DISP1: variants seen among roughly 807,000 people sequenced by gnomAD.
The protein encoded by DISP1 is dispatched RND transporter family member 1.
A neutral mutation model predicts 37.3 loss-of-function variants in DISP1; 30 were observed. That is an observed-to-expected ratio of 0.80 (90% CI 0.60 to 1.09). The LOEUF is 1.09. Ranked by LOEUF, DISP1 falls within the 50% of genes least tolerant of loss-of-function variation. DISP1 has a pLI of 0.00. For missense variants in DISP1, 1,598 were observed against 1,879.5 expected, an observed-to-expected ratio of 0.85 and a Z score of 2.77; for synonymous variants, 634 against 690.2, an observed-to-expected ratio of 0.92 and a Z score of 1.28.
At chr1:222,921,210 G>A (rs180825800) in intron 1 of DISP1, among the ~76,000 whole-genome samples, 163 of 152,316 alleles carry the variant, frequency 1.1e-3, no homozygotes, top group African/African-American at 3.7e-3. Context: ...TCGGGAGGCT[G>A]AGGCACGAGA....
intron 2 of DISP1, among the ~76,000 whole-genome samples, chr1:222,931,315 T>G (rs945882000): frequency 6.6e-6 from 1 of 151,724 alleles, no homozygotes; most frequent in Non-Finnish European, 1.5e-5. Flanking sequence ...GGCTGCTAAG[T>G]TTTGAGGTTT....
chr1:222,834,047 A>G (rs777623374), intron 1 of DISP1, among the ~76,000 whole-genome samples: 1 of 152,198 alleles, frequency 6.6e-6, no homozygotes, highest in Non-Finnish European at 1.5e-5. Flanking sequence ...AGCAACTACA[A>G]CAGTAAGGCA....
intron 3 of DISP1, among the ~76,000 whole-genome samples, chr1:222,961,925 G>C (rs1676088657): frequency 6.6e-6 from 1 of 152,022 alleles, no homozygotes; most frequent in Admixed American, 6.6e-5. Flanking sequence ...AGAATCACTT[G>C]AACCCAGGAG....
At chr1:222,929,425 T>C (rs1249402725) in intron 2 of DISP1, among the ~76,000 whole-genome samples, 1 of 152,106 alleles carries the variant, frequency 6.6e-6, no homozygotes, top group African/African-American at 2.4e-5. Flanking sequence ...TTCATGCACA[T>C]CACTGACCAT....
At chr1:222,839,414 G>T (rs992087004) in intron 1 of DISP1, among the ~76,000 whole-genome samples, 2 of 152,144 alleles carry the variant, frequency 1.3e-5, no homozygotes, top group Non-Finnish European at 2.9e-5. Flanking sequence ...AAAAAGATTA[G>T]GCACCACTTA....
chr1:222,911,893 A>T (rs1040056914), intron 1 of DISP1, among the ~76,000 whole-genome samples: 1 of 152,230 alleles, frequency 6.6e-6, no homozygotes, highest in Non-Finnish European at 1.5e-5. Context: ...AGGGAGGCAC[A>T]TCTCACACAT....
At chr1:222,972,809 T>C (rs556250365) in intron 3 of DISP1, among the ~76,000 whole-genome samples, 172 of 152,278 alleles carry the variant, frequency 1.1e-3, no homozygotes, top group African/African-American at 3.8e-3. Context: ...TGTTCTCTAA[T>C]TTTTTCTTGT....
intron 3 of DISP1, among the ~76,000 whole-genome samples, chr1:222,961,722 T>A (rs1427556405): frequency 1.3e-5 from 2 of 152,160 alleles, no homozygotes; most frequent in Non-Finnish European, 2.9e-5. Flanking sequence ...GAAAACCCCA[T>A]CATCGCCAGG....
chr1:222,826,434 G>GCAGTGGCA (rs1412170855), intron 1 of DISP1, among the ~76,000 whole-genome samples: 1 of 140,316 alleles, frequency 7.1e-6, no homozygotes, highest in Non-Finnish European at 1.5e-5. Context: ...GGGCTGGAGT[G>GCAGTGGCA]CAGTGGCATG....
At position 222,901,143 on chromosome 1, in the gene DISP1, C is replaced by T. The variant is rs778516886; in HGVS notation, c.-158-27287C>T. On this transcript the variant is annotated intron_variant, in intron 1 of 8. Transcript: ENST00000675850. The stretch of plus-strand genomic sequence containing the variant: ...CGAACAGATGCTGGTGGGTGAATAG[C>T]TCTGATGGTGATAAGTTGTGGAAGT... 3.3e-5 allele frequency among the ~76,000 whole-genome samples: 5 copies of T among 152,106 alleles called. No homozygotes were observed. The South Asian group carries it at 1.0e-3, about 32-fold the overall frequency.
At chr1:222,877,584 G>A (rs1169311134) in intron 1 of DISP1, among the ~76,000 whole-genome samples, 2 of 152,180 alleles carry the variant, frequency 1.3e-5, no homozygotes, top group African/African-American at 4.8e-5. Context: ...CTAGTGTTTA[G>A]GATCCAAAAG....
intron 1 of DISP1, among the ~76,000 whole-genome samples, chr1:222,854,586 A>G (rs1013647716): frequency 5.8e-4 from 89 of 152,198 alleles, no homozygotes; most frequent in African/African-American, 2.0e-3. Context: ...TGCTTGAGTC[A>G]CTGTTTTGGA....
chr1:222,898,974 G>A (rs764349200), intron 1 of DISP1, among the ~76,000 whole-genome samples: 27 of 151,998 alleles, frequency 1.8e-4, no homozygotes, highest in Non-Finnish European at 3.2e-4. Flanking sequence ...AATCTTTAAT[G>A]TTTCTGGAGA....
intron 1 of DISP1, among the ~76,000 whole-genome samples, chr1:222,879,386 G>A (rs1572409410): frequency 6.6e-6 from 1 of 152,234 alleles, no homozygotes; most frequent in South Asian, 2.1e-4. Flanking sequence ...GTACTGTGGT[G>A]TGAAGGAGGT....
chr1:222,818,424 C>T (rs2125119281), intron 1 of DISP1, among the ~76,000 whole-genome samples: 1 of 152,280 alleles, frequency 6.6e-6, no homozygotes, highest in African/African-American at 2.4e-5. Context: ...TGTGAATGAC[C>T]TGGTGGAGCC....
chr1:222,940,083 G>A (rs1336925642), intron 2 of DISP1, among the ~76,000 whole-genome samples: 5 of 151,080 alleles, frequency 3.3e-5, no homozygotes, highest in East Asian at 1.9e-4. Context: ...CCGAGATCGC[G>A]CCACTGCACT....
chr1:222,996,171 A>T (rs72744119), intron 8 of DISP1, among the ~76,000 whole-genome samples: 293 of 152,320 alleles, frequency 1.9e-3, no homozygotes, highest in Non-Finnish European at 3.4e-3. Context: ...TTAATTGGTG[A>T]TCAATTTTTA....
intron 4 of DISP1, among the ~76,000 whole-genome samples, chr1:222,984,403 CAAAAAAA>C (rs143486728): frequency 1.1e-3 from 33 of 29,958 alleles, no homozygotes; most frequent in African/African-American, 1.9e-3. Context: ...GACTCTGTCT[CAAAAAAA>C]AAAAAAAAAA....
At position 223,003,308 on chromosome 1, in the gene DISP1, G is replaced by T. The variant is rs140195081; in HGVS notation, c.1911G>T (p.Ala637=). The T allele has an allele frequency of 7.3e-5, 118 of 1,614,128 alleles. No individual in the cohort carries two copies. In the Admixed American group the frequency reaches 9.5e-4, roughly 13 times the overall value. The change falls in exon 9 of 9, where the codon GCG becomes GCT. Residue 637 remains alanine, a synonymous_variant. Transcript: ENST00000675850. The surrounding 1 kb of genome is among the most constrained non-coding windows in gnomAD (Gnocchi z 4.3). ...CAATCCGATGCTTTGGGGTTTATGCGGGGACAGCTATATTGGTGAATTACG... is the reference window on the plus strand; with the variant it reads ...CAATCCGATGCTTTGGGGTTTATGCTGGGACAGCTATATTGGTGAATTACG... ...ITAIRCFGVY[A]GTAILVNYVL...
Sources: gnomAD v4.1 joint callset for allele counts (sites outside exome capture counted in the v4.1 genomes callset) on GRCh38, gnomAD v4.1.1 for gene constraint, Gnocchi (gnomAD v3.1) non-coding constraint, MANE v1.5 for transcripts, NCBI Gene and HGNC (gene_info 2026-07-23, HGNC 2026-07-21) for gene names.